ZYG11B: variants seen among roughly 807,000 people sequenced by gnomAD.
The protein encoded by ZYG11B is protein zyg-11 homolog B.
In ZYG11B, 36 loss-of-function variants were observed where a neutral mutation model predicts 82.4. The ratio of observed to expected loss-of-function variants is 0.44; its 90% CI spans 0.33 to 0.58. The LOEUF (loss-of-function observed/expected upper bound fraction) is 0.58. Ranked by LOEUF, ZYG11B falls within the 20% of genes least tolerant of loss-of-function variation. The pLI is 0.02. For synonymous variants in ZYG11B, 303 were observed against 312.8 expected (o/e 0.97, Z 0.33); for missense variants, 552 against 895.6 (o/e 0.62, Z 4.90).
intron 1 of ZYG11B, among the ~76,000 whole-genome samples, chr1:52,740,881 C>CAA (rs1275268850): frequency 3.4e-5 from 5 of 147,592 alleles, no homozygotes; most frequent in Non-Finnish European, 5.9e-5. Context: ...ACCTTCTTGA[C>CAA]CTTCCTCTTT....
intron 1 of ZYG11B, 36 bp downstream of exon 1, chr1:52,726,719 C>G: frequency 6.9e-7 from 1 of 1,458,768 alleles, no homozygotes; most frequent in Non-Finnish European, 9.0e-7. Context: ...CGCAGCCGCC[C>G]GCCACCCTAG....
At chr1:52,813,153 A>G (rs1645197751) in intron 10 of ZYG11B, among the ~76,000 whole-genome samples, 1 of 152,188 alleles carries the variant, frequency 6.6e-6, no homozygotes, top group South Asian at 2.1e-4. Context: ...GGATTTATTC[A>G]TATACTACTT....
chr1:52,808,278 C>T (rs943887719), intron 10 of ZYG11B, among the ~76,000 whole-genome samples: 2 of 152,022 alleles, frequency 1.3e-5, no homozygotes, highest in Non-Finnish European at 2.9e-5. Context: ...ACAGGAGAAT[C>T]GCTTGAACCC....
intron 8 of ZYG11B, 58 bp downstream of exon 8, chr1:52,796,842 G>A (rs973298677): frequency 1.8e-5 from 18 of 1,026,116 alleles, no homozygotes; most frequent in East Asian, 7.5e-5. Context: ...TTGTTTTCAG[G>A]CAGTATTGTA....
At chr1:52,805,177 G>T (rs193218463) in intron 10 of ZYG11B, 2 of 229,710 alleles carry the variant, frequency 8.7e-6, no homozygotes, top group South Asian at 6.1e-5. Flanking sequence ...TCACTGTACC[G>T]TTCCAATTTT....
rs772725213 is a variant in ZYG11B at position 52,801,806 on chromosome 1, T to G, written c.1486-13T>G. The G allele has an allele frequency of 1.0e-5, 16 of 1,572,932 alleles. 1 individual carries two copies. The African/African-American group carries it at 1.8e-4, about 18-fold the overall frequency. On this transcript the variant is annotated splice_polypyrimidine_tract_variant and intron_variant, in intron 8 of 13. Transcript: ENST00000294353. ...CAAAAGTGAAAACTTATTTCTGTTT[T>G]TTTTTTTTTCAGCAACTTCTTCAAA... is the stretch of plus-strand genomic sequence containing the variant.
intron 1 of ZYG11B, among the ~76,000 whole-genome samples, chr1:52,741,450 G>A (rs527746723): frequency 1.3e-5 from 2 of 152,214 alleles, no homozygotes; most frequent in African/African-American, 4.8e-5. Flanking sequence ...AATGATACTT[G>A]AGTGCCTTTC....
chr1:52,796,918 T>TAATTATATATTATATATAATATATAA (rs1180098619), intron 8 of ZYG11B, 134 bp downstream of exon 8: 2 of 107,694 alleles, frequency 1.9e-5, no homozygotes, highest in African/African-American at 7.7e-5. Flanking sequence ...ATATTATATA[T>TAATTATATATTATATATAATATATAA]TATATATAAT....
intron 4 of ZYG11B, among the ~76,000 whole-genome samples, 184 bp downstream of exon 4, chr1:52,780,177 C>T (rs7526275): frequency 0.59 from 90,111 of 151,948 alleles, 29,455 homozygotes; most frequent in East Asian, 0.97. Context: ...GTTATTGAAG[C>T]TTCACAATAA....
intron 6 of ZYG11B, among the ~76,000 whole-genome samples, chr1:52,794,870 G>A (rs927228805): frequency 1.3e-5 from 2 of 152,142 alleles, no homozygotes; most frequent in Admixed American, 6.6e-5. Flanking sequence ...ATCACGTGGA[G>A]TAGACTAAAA....
In ZYG11B at chr1:52,771,844, A is replaced by ACATTCATCT; in HGVS notation, c.951+70_951+71insCATTCATCT. ...TTAGTTGCATAAGACTCTATTAAAGATGAATGTCTGTAATATATGGAACAT... is the reference window on the plus strand; with the variant it reads ...TTAGTTGCATAAGACTCTATTAAAGACATTCATCTTGAATGTCTGTAATATATGGAACAT... On this transcript the variant is annotated intron_variant, in intron 3 of 13. Coordinates refer to ENST00000294353, the MANE Select transcript of ZYG11B (RefSeq NM_024646.3). The surrounding 1 kb of genome is among the most constrained non-coding windows in gnomAD (Gnocchi z 5.4). 1.3e-6 allele frequency: 2 copies of ACATTCATCT among 1,500,344 alleles called. No homozygotes were observed. Among genetic ancestry groups the ACATTCATCT allele is most frequent in the Non-Finnish European group, 1.8e-6 (2 of 1,113,020 alleles). The allele number at this position is 1,500,344 out of a possible 1,614,324, so 92.9% of individuals were successfully genotyped here. A position where few individuals can be genotyped will look rare whatever the true frequency, so the allele number is the denominator to read the frequency against.
chr1:52,817,777 G>GTATGTA (rs1645240000), intron 13 of ZYG11B, among the ~76,000 whole-genome samples: 2 of 41,542 alleles, frequency 4.8e-5, no homozygotes, highest in African/African-American at 1.2e-4. Context: ...ATATATATGT[G>GTATGTA]TATATATATA....
chr1:52,798,968 G>A (rs1403648473), intron 8 of ZYG11B, among the ~76,000 whole-genome samples: 1 of 151,966 alleles, frequency 6.6e-6, no homozygotes, highest in Non-Finnish European at 1.5e-5. Context: ...TAATGAGAAA[G>A]TAAACCATTC....
chr1:52,810,884 A>C (rs1645176715), intron 10 of ZYG11B, among the ~76,000 whole-genome samples: 1 of 152,056 alleles, frequency 6.6e-6, no homozygotes, highest in African/African-American at 2.4e-5. Flanking sequence ...AAAATATAAA[A>C]ATTAGCTGGC....
chr1:52,771,496 A>T lies in ZYG11B; in HGVS notation c.673A>T (p.Thr225Ser), dbSNP rs1212346924. ...GCACCACTTGAAATGTTTAAAAATG[A>T]CAACTACCCAGATACTGGATGTAGT... ...TMHHLKCLKM[T>S]TTQILDVVRE... Residue 225 changes from threonine to serine, a missense_variant, in exon 3 of 14, where the codon ACA becomes TCA. By Grantham distance (58) the Thr-to-Ser change is moderately conservative (BLOSUM62 1). Around this residue, in one of 3 missense-constraint regions of ZYG11B, gnomAD observed 359 missense variants for 555.8 expected, o/e 0.65. Transcript: ENST00000294353. This position sits in a 1 kb window ranked among gnomAD's most constrained non-coding sequence, Gnocchi z 5.4. The T allele has an allele frequency of 5.0e-6, 8 of 1,613,522 alleles. No homozygotes were observed. In the Admixed American group the frequency reaches 1.3e-4, roughly 27 times the overall value.
chr1:52,796,222 C>T (rs1645005154), intron 6 of ZYG11B, 70 bp from the exon 7 acceptor site: 2 of 1,180,784 alleles, frequency 1.7e-6, no homozygotes, highest in South Asian at 1.3e-5. Context: ...AGCATCAGTT[C>T]CTAGCTGGAA....
At chr1:52,744,137 A>G (rs1431272422) in intron 1 of ZYG11B, among the ~76,000 whole-genome samples, 3 of 151,984 alleles carry the variant, frequency 2.0e-5, no homozygotes, top group Non-Finnish European at 4.4e-5. Context: ...GGGTTTTACC[A>G]TGTTGCCCAG....
intron 10 of ZYG11B, among the ~76,000 whole-genome samples, chr1:52,803,235 TATATACACACACAC>T (rs1558140565): frequency 0.1 from 7,722 of 76,888 alleles, 938 homozygotes; most frequent in East Asian, 0.42. Flanking sequence ...CACACATATA[TATATACACACACAC>T]ATATATATAT....
At chr1:52,744,576 C>G (rs1405978366) in intron 1 of ZYG11B, among the ~76,000 whole-genome samples, 2 of 152,212 alleles carry the variant, frequency 1.3e-5, no homozygotes, top group African/African-American at 2.4e-5. Flanking sequence ...GGTACGCTAG[C>G]TCACGCCTGT....
Sources: gnomAD v4.1 joint callset for allele counts (sites outside exome capture counted in the v4.1 genomes callset) on GRCh38, gnomAD v4.1.1 for gene constraint, gnomAD v4.1.1 regional missense constraint, Gnocchi (gnomAD v3.1) non-coding constraint, MANE v1.5 for transcripts, NCBI Gene and HGNC (gene_info 2026-07-23, HGNC 2026-07-21) for gene names.